Variants in KLRG1 observed in about 807,000 individuals in gnomAD.
KLRG1 encodes killer cell lectin-like receptor subfamily G member 1.
A neutral mutation model predicts 21.8 loss-of-function variants in KLRG1; 16 were observed. That is an observed-to-expected ratio of 0.73 (90% CI 0.50 to 1.11). The LOEUF is 1.11. Ranked by LOEUF, KLRG1 falls within the 50% of genes most tolerant of loss-of-function variation. KLRG1 has a pLI of 0.00. For missense variants in KLRG1, 173 were observed against 218.3 expected, an observed-to-expected ratio of 0.79 and a Z score of 1.31; for synonymous variants, 69 against 75.9, an observed-to-expected ratio of 0.91 and a Z score of 0.47.
the KLRG1 span, among the ~76,000 whole-genome samples, chr12:9,172,174 T>C: frequency 6.6e-6 from 1 of 152,152 alleles, no homozygotes; most frequent in African/African-American, 2.4e-5. Flanking sequence ...CAGAAGAAAT[T>C]GGGGGCCAAT....
At chr12:9,026,633 ACAT>A in the KLRG1 span, among the ~76,000 whole-genome samples, 5 of 152,244 alleles carry the variant, frequency 3.3e-5, no homozygotes, top group South Asian at 1.0e-3. Flanking sequence ...CCTCTGAGTT[ACAT>A]GTTTATATCC....
chr12:9,200,734 T>C, the KLRG1 span, among the ~76,000 whole-genome samples: 1 of 152,232 alleles, frequency 6.6e-6, no homozygotes. Context: ...AGCAAGCTCT[T>C]ATGAGCTTCT....
chr12:9,023,879 T>C, the KLRG1 span, among the ~76,000 whole-genome samples: 4 of 152,096 alleles, frequency 2.6e-5, no homozygotes, highest in Non-Finnish European at 4.4e-5. Context: ...CTTTTATACA[T>C]GGTGTGAGAT....
At chr12:9,189,827 C>A in the KLRG1 span, among the ~76,000 whole-genome samples, 2 of 151,890 alleles carry the variant, frequency 1.3e-5, no homozygotes, top group Non-Finnish European at 2.9e-5. Flanking sequence ...AAAAAGTGGG[C>A]AAAGGACAGG....
chr12:9,013,053 A>G (rs1475000104), downstream of KLRG1, among the ~76,000 whole-genome samples: 10 of 152,184 alleles, frequency 6.6e-5, no homozygotes, highest in Non-Finnish European at 1.3e-4. Flanking sequence ...AGATAACAAG[A>G]GGCTCTGCCT....
At chr12:9,193,944 C>T in the KLRG1 span, 4 of 868,818 alleles carry the variant, frequency 4.6e-6, no homozygotes, top group African/African-American at 3.4e-5. Context: ...ATTCTATTAT[C>T]CTCAAATTTG....
chr12:9,099,332 G>T, the KLRG1 span: 1 of 1,511,708 alleles, frequency 6.6e-7, no homozygotes, highest in South Asian at 1.2e-5. Flanking sequence ...GATAACAATA[G>T]TAACTTCTAG....
the KLRG1 span, among the ~76,000 whole-genome samples, chr12:9,102,369 C>T: frequency 6.6e-6 from 1 of 152,080 alleles, no homozygotes; most frequent in African/African-American, 2.4e-5. Flanking sequence ...TGCATGCCAC[C>T]CCACCCAGCT....
the KLRG1 span, chr12:9,154,693 C>A: frequency 6.2e-7 from 1 of 1,614,144 alleles, no homozygotes; most frequent in Middle Eastern, 1.6e-4. Context: ...GAGGTCAGGT[C>A]CCCTGAGGTG....
the KLRG1 span, among the ~76,000 whole-genome samples, chr12:9,108,017 A>G: frequency 6.6e-6 from 1 of 152,206 alleles, no homozygotes; most frequent in Non-Finnish European, 1.5e-5. Context: ...TCTACCTAGG[A>G]ATACAAACTA....
rs1592285239 is a variant in KLRG1, at chr12:9,009,806, G to A, written c.*269G>A. 1 of 1,421,026 alleles carries A rather than the reference G, an allele frequency of 7.0e-7. No individual in the cohort carries two copies. Among genetic ancestry groups the A allele is most frequent in the Non-Finnish European group, 9.1e-7 (1 of 1,094,048 alleles). 88.0% of individuals were successfully genotyped at this position (1,421,026 alleles called of 1,614,324 possible). On this transcript the variant is annotated 3_prime_UTR_variant, in exon 5 of 5. Transcript: ENST00000356986. ...TTTGTTTTTTGTATTTCTCAGTATG[G>A]AAACTAATGCTGCCACTCTCATCCC...
At chr12:9,100,880 A>G in the KLRG1 span, among the ~76,000 whole-genome samples, 1 of 151,982 alleles carries the variant, frequency 6.6e-6, no homozygotes, top group African/African-American at 2.4e-5. Context: ...GAATGATACA[A>G]TGGACTTTGT....
chr12:9,138,667 A>C, the KLRG1 span, among the ~76,000 whole-genome samples: 3 of 152,010 alleles, frequency 2.0e-5, no homozygotes, highest in East Asian at 1.9e-4. Context: ...TTATTCATTA[A>C]ATCTCCATAC....
chr12:9,172,934 C>T, the KLRG1 span, among the ~76,000 whole-genome samples: 1 of 152,186 alleles, frequency 6.6e-6, no homozygotes, highest in African/African-American at 2.4e-5. Context: ...AGAAAATTAA[C>T]AAAGATATTT....
chr12:8,971,514 C>A (rs139830426), intron 1 of KLRG1, among the ~76,000 whole-genome samples: 1 of 152,058 alleles, frequency 6.6e-6, no homozygotes, highest in African/African-American at 2.4e-5. Flanking sequence ...GAGACAGATT[C>A]TTGCTCTGTT....
chr12:9,159,557 A>G, the KLRG1 span, among the ~76,000 whole-genome samples: 1 of 152,148 alleles, frequency 6.6e-6, no homozygotes, highest in Non-Finnish European at 1.5e-5. Context: ...TCCTAGATTA[A>G]AGGGCTATCA....
the KLRG1 span, among the ~76,000 whole-genome samples, chr12:9,195,394 G>C: frequency 1.3e-5 from 2 of 150,504 alleles, no homozygotes; most frequent in Non-Finnish European, 3.0e-5. Context: ...CCCTTCCCCT[G>C]GCCCTTCCCT....
At chr12:8,962,519 G>T (rs1946397833) in intron 1 of KLRG1, among the ~76,000 whole-genome samples, 1 of 151,980 alleles carries the variant, frequency 6.6e-6, no homozygotes, top group Admixed American at 6.6e-5. Context: ...TTCAAGATCA[G>T]CCTGGGCAAC....
chr12:9,182,419 C>CAT, the KLRG1 span, among the ~76,000 whole-genome samples: 109,982 of 151,852 alleles, frequency 0.72, 40,021 homozygotes, highest in East Asian at 0.79. Flanking sequence ...AAATTTTCTG[C>CAT]ATATATATGT....
Sources: gnomAD v4.1 joint callset for allele counts (sites outside exome capture counted in the v4.1 genomes callset) on GRCh38, gnomAD v4.1.1 for gene constraint, MANE v1.5 for transcripts, NCBI Gene and HGNC (gene_info 2026-07-23, HGNC 2026-07-21) for gene names.